Variants in TRIO observed in about 807,000 individuals in gnomAD.
TRIO encodes triple functional domain protein.
In TRIO, 58 loss-of-function variants were observed where a neutral mutation model predicts 351.9. That is an observed-to-expected ratio of 0.16 (90% CI 0.13 to 0.21). The LOEUF is 0.21. TRIO is among the 10% of genes least tolerant of loss of function. The pLI, the probability that TRIO is intolerant of heterozygous loss-of-function variation, is 1.00. For missense variants in TRIO, 3,201 were observed against 4,027.8 expected (o/e 0.79, Z 5.56); for synonymous variants, 1,758 against 1,595.7 (o/e 1.10, Z -2.42).
chr5:14,285,381 C>G (rs143948227), intron 3 of TRIO, among the ~76,000 whole-genome samples: 1 of 152,136 alleles, frequency 6.6e-6, no homozygotes, highest in African/African-American at 2.4e-5. Context: ...CTGCTGGGCT[C>G]TAACCATACA....
At chr5:14,215,840 A>G (rs566239989) in intron 1 of TRIO, among the ~76,000 whole-genome samples, 1 of 152,228 alleles carries the variant, frequency 6.6e-6, no homozygotes, top group African/African-American at 2.4e-5. Flanking sequence ...AATTTTGACA[A>G]TAGAAGCTAG....
At chr5:14,463,050 CAGTG>C in intron 36 of TRIO, 125 bp downstream of exon 36, 1 of 1,258,476 alleles carries the variant, frequency 7.9e-7, no homozygotes, top group Non-Finnish European at 1.1e-6. Context: ...AAGGGCAATG[CAGTG>C]CTCTTTCAGG....
chr5:14,152,360 T>TTTTG (rs55699760), intron 1 of TRIO, among the ~76,000 whole-genome samples: 51,332 of 150,654 alleles, frequency 0.34, 9,168 homozygotes, highest in Middle Eastern at 0.49. Flanking sequence ...ATTTCAGTTT[T>TTTTG]TTTGTTTGTT....
At chr5:14,421,099 A>G (rs1750090218) in intron 34 of TRIO, among the ~76,000 whole-genome samples, 1 of 152,056 alleles carries the variant, frequency 6.6e-6, no homozygotes, top group African/African-American at 2.4e-5. Context: ...AAACCCTCTA[A>G]TGCCCTATTT....
chr5:14,248,783 C>T (rs901131486), intron 1 of TRIO, among the ~76,000 whole-genome samples: 2 of 152,198 alleles, frequency 1.3e-5, no homozygotes, highest in African/African-American at 2.4e-5. Flanking sequence ...TTACAGACTT[C>T]TCCTGTAATC....
At chr5:14,340,216 G>T (rs1053658097) in intron 11 of TRIO, among the ~76,000 whole-genome samples, 1 of 152,018 alleles carries the variant, frequency 6.6e-6, no homozygotes, top group Non-Finnish European at 1.5e-5. Flanking sequence ...AACACACGGT[G>T]AAACCCCGTC....
At position 14,508,629 on chromosome 5, in the gene TRIO, A is replaced by T; in HGVS notation, c.*207A>T. On this transcript the variant is annotated 3_prime_UTR_variant, in exon 57 of 57. Transcript: ENST00000344204. The stretch of plus-strand genomic sequence containing the variant: ...GAGGACCGTCACTTACACTCTGCCC[A>T]AGGCAGAGGTCGCATTGCTGTATCA... The T allele has an allele frequency of 1.8e-6, 1 of 566,224 alleles. No homozygotes were observed. Among genetic ancestry groups the T allele is most frequent in the Non-Finnish European group, 3.0e-6 (1 of 331,168 alleles). The allele number at this position is 566,224 out of a possible 1,614,324, so 35.1% of individuals were successfully genotyped here.
At position 14,403,379 on chromosome 5, in the gene TRIO, T is replaced by C. The variant is rs1369836229; in HGVS notation, c.4716+2315T>C. On this transcript the variant is annotated intron_variant, in intron 31 of 56. Transcript: ENST00000344204. ...GAGGGTGCAGGTTGTGGTGAGGGTG[T>C]AGGTTGTGAGGGTGTAGGTTGTGAT... Among the ~76,000 whole-genome samples the C allele has an allele frequency of 1.5e-3, 77 of 52,058 alleles. 19 individuals carry two copies. The highest frequency in any genetic ancestry group is 4.3e-3 in the African/African-American group (39 of 9,084). 34.2% of individuals were successfully genotyped at this position (52,058 alleles called of 152,430 possible).
chr5:14,258,046 C>T (rs140820903), intron 1 of TRIO, among the ~76,000 whole-genome samples: 24 of 152,224 alleles, frequency 1.6e-4, no homozygotes, highest in Admixed American at 1.6e-3. Flanking sequence ...AGTCACCCCC[C>T]CTGGGAGGTG....
intron 1 of TRIO, among the ~76,000 whole-genome samples, chr5:14,176,339 G>A (rs1044004060): frequency 2.0e-5 from 3 of 152,152 alleles, no homozygotes; most frequent in Admixed American, 6.5e-5. Context: ...ACATGGTGGC[G>A]GGCGCCTGTA....
chr5:14,269,432 C>T (rs1795864777), intron 1 of TRIO, among the ~76,000 whole-genome samples: 1 of 152,248 alleles, frequency 6.6e-6, no homozygotes, highest in Non-Finnish European at 1.5e-5. Flanking sequence ...TGGCCTGACC[C>T]ACACTACACA....
At chr5:14,159,315 C>G (rs866234710) in intron 1 of TRIO, among the ~76,000 whole-genome samples, 1 of 98,714 alleles carries the variant, frequency 1.0e-5, no homozygotes, top group Non-Finnish European at 1.9e-5. Context: ...TTCAGGAAAT[C>G]GCAGTCAAAA....
At chr5:14,237,609 A>G (rs1434462471) in intron 1 of TRIO, among the ~76,000 whole-genome samples, 1 of 152,230 alleles carries the variant, frequency 6.6e-6, no homozygotes, top group Non-Finnish European at 1.5e-5. Flanking sequence ...GGTGGAAATC[A>G]ACAGTTGTAG....
rs202060067 is a variant in TRIO at position 14,293,116 on chromosome 5, C to T, written c.1158C>T (p.His386=). The T allele has an allele frequency of 3.7e-5, 60 of 1,614,064 alleles. No individual in the cohort carries two copies. Among genetic ancestry groups the T allele is most frequent in the Non-Finnish European group, 1.3e-5 (15 of 1,180,014 alleles). ...TGGAGCTTCAGACGCAGCACAATCA[C>T]TTTGCCATGAACTGTATGGTAAGAC... is the stretch of plus-strand genomic sequence containing the variant. The part of the protein sequence containing the change: ...HAMELQTQHN[H]FAMNCMNVYV... The change falls in exon 6 of 57, where the codon CAC becomes CAT. Residue 386 remains histidine (H), a synonymous_variant. Transcript: ENST00000344204.
intron 34 of TRIO, chr5:14,420,785 A>G (rs1344353596): frequency 1.3e-5 from 2 of 152,334 alleles, no homozygotes; most frequent in African/African-American, 2.4e-5. Context: ...AAAATAAAGT[A>G]CAACTTTTCC....
intron 1 of TRIO, among the ~76,000 whole-genome samples, chr5:14,256,467 A>T (rs1202008804): frequency 6.6e-6 from 1 of 152,188 alleles, no homozygotes; most frequent in Non-Finnish European, 1.5e-5. Flanking sequence ...GGTGTGTGCA[A>T]TCAGGGAGGG....
intron 34 of TRIO, among the ~76,000 whole-genome samples, chr5:14,442,147 G>T (rs1752100576): frequency 6.6e-6 from 1 of 152,196 alleles, no homozygotes; most frequent in African/African-American, 2.4e-5. Context: ...CTCTCACAGG[G>T]TGCCACCTGC....
At chr5:14,400,939 T>C in intron 30 of TRIO, 24 bp from the exon 31 acceptor site, 1 of 1,607,702 alleles carries the variant, frequency 6.2e-7, no homozygotes. Flanking sequence ...TGTCACCTAA[T>C]TATATAATTG....
intron 11 of TRIO, among the ~76,000 whole-genome samples, chr5:14,351,656 A>G (rs934771350): frequency 1.8e-4 from 28 of 152,374 alleles, no homozygotes; most frequent in Middle Eastern, 3.4e-3. Flanking sequence ...CATTACATAC[A>G]GGAGAAAACT....
Sources: gnomAD v4.1 joint callset for allele counts (sites outside exome capture counted in the v4.1 genomes callset) on GRCh38, gnomAD v4.1.1 for gene constraint, MANE v1.5 for transcripts, NCBI Gene and HGNC (gene_info 2026-07-23, HGNC 2026-07-21) for gene names.